ABLIM3: variants seen among roughly 807,000 people sequenced by gnomAD.
ABLIM3 encodes actin-binding LIM protein 3.
In ABLIM3, 61 loss-of-function variants were observed where a neutral mutation model predicts 109.5. The observed-to-expected ratio is 0.56, with a 90% CI of 0.45 to 0.69. ABLIM3 has a LOEUF of 0.69. Ranked by LOEUF, ABLIM3 falls within the 30% of genes least tolerant of loss-of-function variation. The probability of loss-of-function intolerance (pLI) is 0.00; values close to 1 mark genes in which losing one functional copy is unlikely to be tolerated. For missense variants in ABLIM3, 796 were observed against 889.5 expected (o/e 0.89, Z 1.34); for synonymous variants, 300 against 324.8 (o/e 0.92, Z 0.82).
intron 2 of ABLIM3, among the ~76,000 whole-genome samples, chr5:149,181,147 G>A (rs564864282): frequency 6.6e-6 from 1 of 152,168 alleles, no homozygotes; most frequent in African/African-American, 2.4e-5. Context: ...GGCAATGGTA[G>A]ATCACCACAC....
chr5:149,250,905 C>T (rs4429839), intron 20 of ABLIM3, among the ~76,000 whole-genome samples: 100 of 152,292 alleles, frequency 6.6e-4, no homozygotes, highest in African/African-American at 2.2e-3. Flanking sequence ...GGATTCAAGC[C>T]CAGGCCAGCT....
At chr5:149,231,649 CCT>C (rs1433311210) in intron 9 of ABLIM3, among the ~76,000 whole-genome samples, 1 of 152,092 alleles carries the variant, frequency 6.6e-6, no homozygotes, top group African/African-American at 2.4e-5. Context: ...AATTTCTTTC[CCT>C]GTTTCTTGCA....
intron 2 of ABLIM3, among the ~76,000 whole-genome samples, chr5:149,179,384 G>A (rs1045976297): frequency 1.5e-4 from 23 of 152,178 alleles, no homozygotes; most frequent in African/African-American, 5.3e-4. Context: ...TTTATTCTCG[G>A]AAAGATTAGG....
chr5:149,186,119 G>T (rs1415922170), intron 3 of ABLIM3, among the ~76,000 whole-genome samples: 1 of 152,154 alleles, frequency 6.6e-6, no homozygotes, highest in Non-Finnish European at 1.5e-5. Context: ...TTCCAACTTT[G>T]GCACTGAGTA....
intron 5 of ABLIM3, among the ~76,000 whole-genome samples, chr5:149,201,782 A>G (rs1049200192): frequency 2.6e-5 from 4 of 152,148 alleles, no homozygotes; most frequent in Admixed American, 2.6e-4. Flanking sequence ...CCTGTGGCCA[A>G]TGCTGCTGAG....
At chr5:149,205,844 T>C (rs577186280) in intron 5 of ABLIM3, among the ~76,000 whole-genome samples, 1 of 152,224 alleles carries the variant, frequency 6.6e-6, no homozygotes, top group Non-Finnish European at 1.5e-5. Context: ...AAACACTTCA[T>C]CAAGGCCCCA....
intron 2 of ABLIM3, among the ~76,000 whole-genome samples, chr5:149,175,234 A>C (rs1755818540): frequency 6.6e-6 from 1 of 152,178 alleles, no homozygotes; most frequent in South Asian, 2.1e-4. Context: ...GTATTTTTGA[A>C]ATATTAACTG....
intron 5 of ABLIM3, 48 bp downstream of exon 5, chr5:149,200,476 T>C: frequency 6.3e-7 from 1 of 1,582,670 alleles, no homozygotes; most frequent in East Asian, 2.2e-5. Context: ...GTGATCTCTC[T>C]GGGCTCCCCT....
chr5:149,248,680 A>ACT (rs1372806448), intron 18 of ABLIM3, among the ~76,000 whole-genome samples: 2 of 113,324 alleles, frequency 1.8e-5, no homozygotes, highest in East Asian at 5.3e-4. Context: ...ACAGAGCGAG[A>ACT]CTCTCTCTCA....
chr5:149,199,770 TG>T (rs1758325968), intron 4 of ABLIM3, among the ~76,000 whole-genome samples: 1 of 152,216 alleles, frequency 6.6e-6, no homozygotes, highest in Non-Finnish European at 1.5e-5. Context: ...ATTCTGTGTA[TG>T]GTTCATAATT....
chr5:149,197,628 G>T (rs1758104100), intron 3 of ABLIM3, among the ~76,000 whole-genome samples: 1 of 152,108 alleles, frequency 6.6e-6, no homozygotes, highest in Admixed American at 6.5e-5. Flanking sequence ...GCCATCCGAA[G>T]GTGTCTCCAG....
chr5:149,231,530 A>G (rs1268102988), intron 9 of ABLIM3, among the ~76,000 whole-genome samples: 1 of 152,250 alleles, frequency 6.6e-6, no homozygotes, highest in Admixed American at 6.5e-5. Flanking sequence ...AAGCAAGTGC[A>G]CAATTTCTGA....
chr5:149,243,344 C>T (rs1365938496), intron 15 of ABLIM3: 1 of 152,202 alleles, frequency 6.6e-6, no homozygotes, highest in African/African-American at 2.4e-5. Context: ...GCAAAAAGTA[C>T]TTACTAAGCC....
At chr5:149,200,524 G>A in intron 5 of ABLIM3, 96 bp downstream of exon 5, 2 of 1,312,000 alleles carry the variant, frequency 1.5e-6, no homozygotes, top group East Asian at 2.5e-5. Flanking sequence ...GGCCTGGAGG[G>A]AAGTGGGAGA....
intron 8 of ABLIM3, among the ~76,000 whole-genome samples, 167 bp from the exon 9 acceptor site, chr5:149,230,482 C>T (rs559840818): frequency 1.3e-5 from 2 of 152,066 alleles, no homozygotes; most frequent in East Asian, 1.9e-4. Flanking sequence ...TGTGAGCGGT[C>T]GCATAGGTCT....
At chr5:149,252,089 G>A in intron 21 of ABLIM3, 112 bp from the exon 22 acceptor site, 1 of 1,223,396 alleles carries the variant, frequency 8.2e-7, no homozygotes, top group Non-Finnish European at 1.2e-6. Flanking sequence ...TCAAGAGAAG[G>A]AGACAATAGA....
chr5:149,158,691 C>A (rs140948688), intron 2 of ABLIM3, among the ~76,000 whole-genome samples: 9 of 152,192 alleles, frequency 5.9e-5, no homozygotes, highest in Non-Finnish European at 1.2e-4. Flanking sequence ...CCTAAATAAA[C>A]CAAAAGCTAA....
rs1754703691 is a variant in ABLIM3, at chr5:149,259,245, GCTCCCAGCAC to G, written c.*846_*855del. The G allele has an allele frequency of 5.6e-6, 7 of 1,241,584 alleles. No individual in the cohort carries two copies. Among genetic ancestry groups the G allele is most frequent in the Non-Finnish European group, 7.1e-6 (7 of 986,940 alleles). 76.9% of individuals were successfully genotyped at this position (1,241,584 alleles called of 1,614,324 possible). A position where few individuals can be genotyped will look rare whatever the true frequency, so the allele number is the denominator to read the frequency against. ...TTGGGACCCTCCTCTCTCCCTCACT[GCTCCCAGCAC>G]CTCCTGACCCTTCCCTCTTTCAAGG... On this transcript the variant is annotated 3_prime_UTR_variant, in exon 24 of 24. Coordinates refer to ENST00000309868, the MANE Select transcript of ABLIM3 (RefSeq NM_014945.5).
chr5:149,150,441 TTACC>T, intron 2 of ABLIM3, among the ~76,000 whole-genome samples: 1 of 152,272 alleles, frequency 6.6e-6, no homozygotes, highest in African/African-American at 2.4e-5. Flanking sequence ...TGACAGATGA[TTACC>T]TGAGGCTAAG....
Sources: allele counts gnomAD v4.1 joint callset (sites outside exome capture counted in the v4.1 genomes callset), GRCh38; gene constraint gnomAD v4.1.1; transcripts MANE v1.5; gene names NCBI Gene and HGNC (gene_info 2026-07-23, HGNC 2026-07-21).